NCAM1: variants seen among roughly 807,000 people sequenced by gnomAD.
The protein encoded by NCAM1 is antigen recognized by monoclonal antibody 5.1H11.
In NCAM1, 14 loss-of-function variants were observed where a neutral mutation model predicts 109.8. That is an observed-to-expected ratio of 0.13 (90% CI 0.08 to 0.20). The LOEUF is 0.20. Ranked by LOEUF, NCAM1 falls within the 10% of genes least tolerant of loss-of-function variation. The pLI, the probability that NCAM1 is intolerant of heterozygous loss-of-function variation, is 1.00. For synonymous variants in NCAM1, 418 were observed against 442.9 expected (o/e 0.94, Z 0.70); for missense variants, 774 against 1,109.9 (o/e 0.70, Z 4.30).
chr11:113,256,416 G>C (rs1343318825), intron 16 of NCAM1, among the ~76,000 whole-genome samples: 1 of 152,202 alleles, frequency 6.6e-6, no homozygotes, highest in Non-Finnish European at 1.5e-5. Context: ...CTCTGCACAA[G>C]AACCCTGTAC....
At chr11:113,104,231 GGCGGT>G (rs1165427181) in intron 1 of NCAM1, among the ~76,000 whole-genome samples, 1 of 149,102 alleles carries the variant, frequency 6.7e-6, no homozygotes, top group South Asian at 2.2e-4. Flanking sequence ...GGGTGGTGGT[GGCGGT>G]GCAGGGGAAG....
intron 1 of NCAM1, among the ~76,000 whole-genome samples, chr11:113,118,345 C>A (rs1555095305): frequency 6.6e-6 from 1 of 151,894 alleles, no homozygotes; most frequent in African/African-American, 2.4e-5. Context: ...AAATGAGATG[C>A]ATGTAATTGA....
chr11:113,223,559 C>T (rs782358172), intron 9 of NCAM1, among the ~76,000 whole-genome samples: 5 of 152,170 alleles, frequency 3.3e-5, no homozygotes, highest in Admixed American at 6.5e-5. Context: ...GCTTTGTTGT[C>T]GTTAAGGTCC....
intron 1 of NCAM1, among the ~76,000 whole-genome samples, chr11:113,085,791 G>T (rs546790641): frequency 1.3e-4 from 20 of 152,208 alleles, no homozygotes; most frequent in Non-Finnish European, 2.8e-4. Flanking sequence ...AGTACTTTAC[G>T]GTTCTTAGTA....
rs1354722164 is a variant in NCAM1 at position 113,274,878 on chromosome 11, T to C, written c.2457-389T>C. 1.3e-5 allele frequency among the ~76,000 whole-genome samples: 2 copies of C among 152,182 alleles called. No homozygotes were observed. Among genetic ancestry groups the C allele is most frequent in the African/African-American group, 2.4e-5 (1 of 41,466 alleles). On this transcript the variant is annotated intron_variant, in intron 19 of 19. Transcript: ENST00000316851. This position sits in a 1 kb window ranked among gnomAD's most constrained non-coding sequence, Gnocchi z 4.1. ...TTACATCCAGCTGAGCTGTTGCCAC[T>C]GCAGCTGGTCAGGGTGAGGAGGAGC...
intron 1 of NCAM1, among the ~76,000 whole-genome samples, chr11:113,021,168 T>C (rs571732462): frequency 1.3e-5 from 2 of 152,358 alleles, no homozygotes; most frequent in East Asian, 3.9e-4. Flanking sequence ...GTTTACCACA[T>C]GCCAGGCAGT....
intron 1 of NCAM1, among the ~76,000 whole-genome samples, chr11:112,980,490 A>G (rs925256120): frequency 2.6e-5 from 4 of 151,942 alleles, no homozygotes; most frequent in Admixed American, 2.6e-4. Flanking sequence ...TTGTTGGGAA[A>G]TAAAAAGGAA....
intron 1 of NCAM1, among the ~76,000 whole-genome samples, chr11:113,118,426 GA>G (rs782638003): frequency 5.3e-5 from 8 of 151,966 alleles, no homozygotes; most frequent in East Asian, 1.9e-4. Context: ...TTGGACTTAA[GA>G]AGTTTTAGCT....
intron 1 of NCAM1, among the ~76,000 whole-genome samples, chr11:113,125,285 A>G (rs144716357): frequency 1.2e-3 from 176 of 152,318 alleles, no homozygotes; most frequent in African/African-American, 4.0e-3. Context: ...TACACCTATT[A>G]AGGAATGGAC....
At position 113,155,513 on chromosome 11, in the gene NCAM1, A is replaced by AAAAAAAC. The variant is rs1290392796; in HGVS notation, c.53-46845_53-46839dup. Among the ~76,000 whole-genome samples, 5 of 152,090 alleles carry AAAAAAAC rather than the reference A, an allele frequency of 3.3e-5. No individual in the cohort carries two copies. The East Asian group carries it at 7.7e-4, about 24-fold the overall frequency. ...GACAGAGTGAGGCTCCATCTTAAAA[A>AAAAAAAC]AAAAAACAAAAAACAAAAAACAAAA... On this transcript the variant is annotated intron_variant, in intron 1 of 19. Transcript: ENST00000316851.
intron 1 of NCAM1, among the ~76,000 whole-genome samples, chr11:113,005,500 G>A (rs1201415955): frequency 2.0e-5 from 3 of 152,170 alleles, no homozygotes; most frequent in African/African-American, 7.2e-5. Context: ...TACAAGGAAG[G>A]AGATTAGTGG....
intron 1 of NCAM1, among the ~76,000 whole-genome samples, chr11:113,016,020 C>A (rs782473783): frequency 6.6e-6 from 1 of 151,980 alleles, no homozygotes; most frequent in Non-Finnish European, 1.5e-5. Flanking sequence ...TGGTGGTGTG[C>A]CGAGTATTAA....
At chr11:113,014,800 A>T (rs1952166425) in intron 1 of NCAM1, among the ~76,000 whole-genome samples, 1 of 152,330 alleles carries the variant, frequency 6.6e-6, no homozygotes, top group African/African-American at 2.4e-5. Flanking sequence ...ACGTTAAGTG[A>T]AACATAAGCT....
intron 16 of NCAM1, 150 bp from the exon 17 acceptor site, chr11:113,259,996 C>T (rs781974758): frequency 2.7e-4 from 178 of 651,948 alleles, no homozygotes; most frequent in Middle Eastern, 1.2e-3. Flanking sequence ...TGAGCCACCG[C>T]GCCCACCCCC....
chr11:113,027,215 A>T (rs1358725469), intron 1 of NCAM1, among the ~76,000 whole-genome samples: 1 of 152,274 alleles, frequency 6.6e-6, no homozygotes, highest in Non-Finnish European at 1.5e-5. Context: ...ACAAAAGCCT[A>T]GGAATTATGT....
chr11:113,057,589 A>G (rs1202309280), intron 1 of NCAM1, among the ~76,000 whole-genome samples: 1 of 152,190 alleles, frequency 6.6e-6, no homozygotes, highest in African/African-American at 2.4e-5. Flanking sequence ...TTAGGACTAC[A>G]CTAGAATGGA....
At chr11:113,082,311 A>G (rs1938860204) in intron 1 of NCAM1, among the ~76,000 whole-genome samples, 1 of 152,218 alleles carries the variant, frequency 6.6e-6, no homozygotes, top group Non-Finnish European at 1.5e-5. Context: ...GTGATTATAC[A>G]TTTTTTGATA....
chr11:112,961,555 G>GT lies in NCAM1; in HGVS notation c.-58_-57insT. On this transcript the variant is annotated 5_prime_UTR_variant, in exon 1 of 20. Coordinates refer to ENST00000316851, the MANE Select transcript of NCAM1 (RefSeq NM_181351.5). Reference sequence around the variant, plus strand: ...TCAGCCGCCGTCCACACTCGCTGCAGGGGGGGGGGCACAGAATTTACCGCG... The same window carrying GT: ...TCAGCCGCCGTCCACACTCGCTGCAGTGGGGGGGGGCACAGAATTTACCGCG... 1.4e-6 allele frequency: 1 copy of GT among 712,206 alleles called. No homozygotes were observed. Among genetic ancestry groups the GT allele is most frequent in the South Asian group, 1.6e-5 (1 of 60,764 alleles). The allele number at this position is 712,206 out of a possible 1,614,324, so 44.1% of individuals were successfully genotyped here.
chr11:113,062,236 A>C (rs533818594), intron 1 of NCAM1, among the ~76,000 whole-genome samples: 22 of 152,302 alleles, frequency 1.4e-4, no homozygotes, highest in African/African-American at 4.3e-4. Context: ...TGTACCCATT[A>C]AGTGGTCACT....
Sources: gnomAD v4.1 joint callset for allele counts (sites outside exome capture counted in the v4.1 genomes callset) on GRCh38, gnomAD v4.1.1 for gene constraint, Gnocchi (gnomAD v3.1) non-coding constraint, MANE v1.5 for transcripts, NCBI Gene and HGNC (gene_info 2026-07-23, HGNC 2026-07-21) for gene names.